Variants in ATP8A2 observed in about 807,000 individuals in gnomAD.
ATP8A2 encodes ATPase phospholipid transporting 8A2.
ATP8A2 carries 100 observed loss-of-function variants against 165.6 expected under a neutral mutation model. That is an observed-to-expected ratio of 0.60 (90% CI 0.51 to 0.71). The LOEUF (loss-of-function observed/expected upper bound fraction) is 0.71, where lower values mean the gene tolerates loss of function less well. ATP8A2 is among the 30% of genes least tolerant of loss of function. The pLI is 0.00. For missense variants in ATP8A2, 1,227 were observed against 1,479.5 expected (o/e 0.83, Z 2.80); for synonymous variants, 543 against 548.8 (o/e 0.99, Z 0.15).
At chr13:25,918,646 C>A (rs1481359908) in intron 33 of ATP8A2, among the ~76,000 whole-genome samples, 1 of 152,052 alleles carries the variant, frequency 6.6e-6, no homozygotes. Flanking sequence ...AAGCCTCCCC[C>A]CCGCAACAAT....
At chr13:25,589,317 C>T (rs1318089959) in intron 23 of ATP8A2, among the ~76,000 whole-genome samples, 1 of 152,090 alleles carries the variant, frequency 6.6e-6, no homozygotes, top group African/African-American at 2.4e-5. Flanking sequence ...GGGTCCACTG[C>T]CTTCCTGAAG....
intron 6 of ATP8A2, 82 bp from the exon 7 acceptor site, chr13:25,537,906 C>A: frequency 1.1e-6 from 1 of 925,302 alleles, no homozygotes; most frequent in Non-Finnish European, 1.7e-6. Context: ...ATTTTTTCTT[C>A]AAATATTTAA....
In ATP8A2 at chr13:25,531,254, A is replaced by ATATATGTTATATATGATATATATGT. The variant is rs1566229143; in HGVS notation, c.420+599_420+600insGTTATATATGATATATATGTTATAT. Among the ~76,000 whole-genome samples, 6 of 18,812 alleles carry ATATATGTTATATATGATATATATGT rather than the reference A, an allele frequency of 3.2e-4. 1 individual carries two copies. The East Asian group carries it at 0.051, about 161-fold the overall frequency. 12.3% of individuals were successfully genotyped at this position (18,812 alleles called of 152,430 possible). Reference sequence around the variant, plus strand: ...ATATATGATATATATGTTATATATGATATATATGATATATATGATATATAT... The same window carrying ATATATGTTATATATGATATATATGT: ...ATATATGATATATATGTTATATATGATATATGTTATATATGATATATATGTTATATATGATATATATGATATATAT... On this transcript the variant is annotated intron_variant, in intron 4 of 36. Transcript: ENST00000381655.
intron 25 of ATP8A2, among the ~76,000 whole-genome samples, chr13:25,741,346 A>C (rs778574020): frequency 6.6e-6 from 1 of 152,128 alleles, no homozygotes; most frequent in Non-Finnish European, 1.5e-5. Context: ...TGTCCCTAAA[A>C]TAGCTGAAAC....
chr13:25,840,324 C>CA, intron 30 of ATP8A2, among the ~76,000 whole-genome samples: 1 of 152,244 alleles, frequency 6.6e-6, no homozygotes, highest in African/African-American at 2.4e-5. Flanking sequence ...AAAATTACTC[C>CA]AAATGTTGAC....
intron 25 of ATP8A2, among the ~76,000 whole-genome samples, chr13:25,735,662 A>G (rs1051945006): frequency 6.6e-6 from 1 of 152,184 alleles, no homozygotes. Context: ...GGCTTTTTGT[A>G]TAGTCGTGCA....
intron 27 of ATP8A2, among the ~76,000 whole-genome samples, chr13:25,824,954 G>C (rs1375018193): frequency 6.6e-6 from 1 of 151,762 alleles, no homozygotes; most frequent in Non-Finnish European, 1.5e-5. Flanking sequence ...ATTAGAGTTG[G>C]TTTGGCTATT....
intron 24 of ATP8A2, among the ~76,000 whole-genome samples, chr13:25,659,297 C>G (rs1477854649): frequency 6.6e-6 from 1 of 152,114 alleles, no homozygotes; most frequent in East Asian, 1.9e-4. Context: ...ACCTGCTGTC[C>G]AAGTCTGGAA....
At chr13:25,889,100 G>A (rs1953265137) in intron 33 of ATP8A2, among the ~76,000 whole-genome samples, 2 of 151,762 alleles carry the variant, frequency 1.3e-5, no homozygotes, top group African/African-American at 4.8e-5. Context: ...AGATTTCAAT[G>A]TTATTTCGTA....
intron 35 of ATP8A2, among the ~76,000 whole-genome samples, chr13:25,971,831 C>T (rs1955920988): frequency 6.6e-6 from 1 of 152,054 alleles, no homozygotes; most frequent in South Asian, 2.1e-4. Flanking sequence ...AAATCTTACC[C>T]TTGCAAAGAT....
At chr13:25,842,550 T>C (rs1238608073) in intron 30 of ATP8A2, among the ~76,000 whole-genome samples, 1 of 151,912 alleles carries the variant, frequency 6.6e-6, no homozygotes, top group African/African-American at 2.4e-5. Flanking sequence ...CAGGCACCTA[T>C]AATCCCAGCT....
chr13:25,681,517 C>T (rs2042487560), intron 24 of ATP8A2, among the ~76,000 whole-genome samples: 2 of 152,128 alleles, frequency 1.3e-5, no homozygotes, highest in Non-Finnish European at 2.9e-5. Context: ...GGCATTGGTG[C>T]CTTTTGTTCA....
intron 27 of ATP8A2, among the ~76,000 whole-genome samples, chr13:25,812,045 A>G (rs978319285): frequency 3.9e-5 from 6 of 152,000 alleles, no homozygotes; most frequent in African/African-American, 1.5e-4. Context: ...CCACATAGTT[A>G]CATCTCTAAT....
intron 27 of ATP8A2, among the ~76,000 whole-genome samples, chr13:25,787,929 G>A (rs1478557491): frequency 6.6e-6 from 1 of 152,226 alleles, no homozygotes; most frequent in Non-Finnish European, 1.5e-5. Context: ...GGAGGAGTTG[G>A]CCTGGTGACC....
intron 34 of ATP8A2, among the ~76,000 whole-genome samples, chr13:25,968,228 G>A (rs1955826668): frequency 6.6e-6 from 1 of 152,218 alleles, no homozygotes; most frequent in Non-Finnish European, 1.5e-5. Flanking sequence ...GTGTCTTCTT[G>A]GTTTTCAGTT....
chr13:25,578,530 T>A (rs1403870487), intron 20 of ATP8A2, among the ~76,000 whole-genome samples: 1 of 152,204 alleles, frequency 6.6e-6, no homozygotes, highest in Non-Finnish European at 1.5e-5. Context: ...CAAATTTTGG[T>A]GAATATAGGC....
intron 33 of ATP8A2, among the ~76,000 whole-genome samples, chr13:25,947,957 G>A (rs1048231468): frequency 3.9e-5 from 6 of 152,104 alleles, no homozygotes; most frequent in South Asian, 2.1e-4. Context: ...ATGAGGGGAC[G>A]TTCACCTGCA....
intron 24 of ATP8A2, among the ~76,000 whole-genome samples, chr13:25,611,771 A>G (rs908820388): frequency 6.6e-6 from 1 of 151,832 alleles, no homozygotes; most frequent in Non-Finnish European, 1.5e-5. Context: ...TCCTGGGCTT[A>G]TTTTTTGTTG....
At chr13:25,597,042 T>C (rs2040254320) in intron 24 of ATP8A2, among the ~76,000 whole-genome samples, 1 of 152,214 alleles carries the variant, frequency 6.6e-6, no homozygotes, top group Non-Finnish European at 1.5e-5. Context: ...TTATTGGTCA[T>C]TTAAAAATCT....
Sources: gnomAD v4.1 joint callset for allele counts (sites outside exome capture counted in the v4.1 genomes callset) on GRCh38, gnomAD v4.1.1 for gene constraint, MANE v1.5 for transcripts, NCBI Gene and HGNC (gene_info 2026-07-23, HGNC 2026-07-21) for gene names.